Variants in ARIH1 observed in about 807,000 individuals in gnomAD.
ARIH1 encodes ariadne RBR E3 ubiquitin protein ligase 1.
ARIH1 carries 8 observed loss-of-function variants against 85.0 expected under a neutral mutation model. That is an observed-to-expected ratio of 0.09 (90% CI 0.06 to 0.17). The LOEUF (loss-of-function observed/expected upper bound fraction) is 0.17, where lower values mean the gene tolerates loss of function less well. ARIH1 is among the 10% of genes least tolerant of loss of function. The pLI is 1.00. For synonymous variants in ARIH1, 238 were observed against 253.6 expected, an observed-to-expected ratio of 0.94 and a Z score of 0.59; for missense variants, 311 against 718.1, an observed-to-expected ratio of 0.43 and a Z score of 6.48.
chr15:72,523,014 G>A (rs938843053), intron 2 of ARIH1, among the ~76,000 whole-genome samples: 8 of 152,104 alleles, frequency 5.3e-5, no homozygotes, highest in African/African-American at 1.2e-4. Context: ...GATGTGGAGC[G>A]GTAGGAACTC....
chr15:72,573,283 G>A (rs911773803), intron 11 of ARIH1, among the ~76,000 whole-genome samples: 5 of 152,132 alleles, frequency 3.3e-5, no homozygotes, highest in East Asian at 1.9e-4. Flanking sequence ...AAATACGGCC[G>A]GGCTTGGTGG....
At chr15:72,490,380 A>G (rs2063854364) in intron 1 of ARIH1, among the ~76,000 whole-genome samples, 1 of 152,140 alleles carries the variant, frequency 6.6e-6, no homozygotes, top group South Asian at 2.1e-4. Flanking sequence ...AGGGAGCGTT[A>G]CCACCTGAGC....
chr15:72,565,906 C>T (rs2064218001), intron 7 of ARIH1, among the ~76,000 whole-genome samples: 1 of 152,158 alleles, frequency 6.6e-6, no homozygotes, highest in Non-Finnish European at 1.5e-5. Flanking sequence ...TCGTAAATTA[C>T]TTAATTAGCT....
chr15:72,493,421 A>G (rs1022751618), intron 1 of ARIH1, among the ~76,000 whole-genome samples: 2 of 152,156 alleles, frequency 1.3e-5, no homozygotes, highest in Non-Finnish European at 2.9e-5. Context: ...GTAGAACACT[A>G]CAGCAGCACA....
intron 6 of ARIH1, 148 bp from the exon 7 acceptor site, chr15:72,563,246 A>G: frequency 1.6e-6 from 1 of 609,016 alleles, no homozygotes; most frequent in Non-Finnish European, 2.9e-6. Flanking sequence ...TAAGGTAGAG[A>G]CAAGGTCTTG....
chr15:72,480,567 TTTG>T (rs369327296), intron 1 of ARIH1, among the ~76,000 whole-genome samples: 12 of 151,524 alleles, frequency 7.9e-5, no homozygotes, highest in East Asian at 3.9e-4. Context: ...AGCCACACTT[TTTG>T]TTGTTGTTGT....
chr15:72,550,941 G>A (rs938765992), intron 3 of ARIH1, among the ~76,000 whole-genome samples: 3 of 152,054 alleles, frequency 2.0e-5, no homozygotes, highest in Non-Finnish European at 1.5e-5. Flanking sequence ...CAAAGTGCTC[G>A]GATTACAGGC....
chr15:72,475,120 C>T lies in ARIH1; in HGVS notation c.375+106C>T, dbSNP rs552784695. 4.8e-6 allele frequency: 7 copies of T among 1,460,442 alleles called. No homozygotes were observed. The East Asian group carries it at 1.2e-4, about 24-fold the overall frequency. 90.5% of individuals were successfully genotyped at this position (1,460,442 alleles called of 1,614,324 possible). Reference sequence around the variant, plus strand: ...GCCTGGGCCTGGTGCGCAGCCTAGCCCGGTGCCTCCCGGCCTTGTCTTCTC... The same window carrying T: ...GCCTGGGCCTGGTGCGCAGCCTAGCTCGGTGCCTCCCGGCCTTGTCTTCTC... On this transcript the variant is annotated intron_variant, in intron 1 of 13. Coordinates refer to ENST00000379887, the MANE Select transcript of ARIH1 (RefSeq NM_005744.5).
Position 72,555,094 on chromosome 15 carries a change from G to A in ARIH1, c.589-177G>A, listed in dbSNP as rs571601815. ...CCTTTCCTAAGATGTATGTGTGTTC[G>A]GTGTATCTGCATGTCTAGATTCACC... On this transcript the variant is annotated intron_variant, in intron 3 of 13. Transcript: ENST00000379887. Among the ~76,000 whole-genome samples the A allele has an allele frequency of 3.3e-5, 5 of 152,116 alleles. No homozygotes were observed. The East Asian group carries it at 5.8e-4, about 18-fold the overall frequency.
rs1440188285 is a variant in ARIH1 at position 72,596,994 on chromosome 15, A to C, written c.*13702A>C. 1 of 151,940 alleles carries C rather than the reference A, an allele frequency of 6.6e-6. No homozygotes were observed. Among genetic ancestry groups the C allele is most frequent in the African/African-American group, 2.4e-5 (1 of 41,364 alleles). 9.4% of individuals were successfully genotyped at this position (151,940 alleles called of 1,614,324 possible). ...TTTTAAGGATCCAAACTGATAATTC[A>C]ACATCTGGGTCTTTTCTAGTTCTGC... On this transcript the variant is annotated 3_prime_UTR_variant, in exon 14 of 14. Coordinates refer to ENST00000379887, the MANE Select transcript of ARIH1 (RefSeq NM_005744.5).
intron 1 of ARIH1, chr15:72,475,218 TG>T (rs1305230027): frequency 3.0e-5 from 35 of 1,174,764 alleles, no homozygotes; most frequent in Non-Finnish European, 2.2e-6. Flanking sequence ...GGAGGTGCGC[TG>T]GGGGCGGTGC....
At chr15:72,560,182 A>G (rs2064191881) in intron 5 of ARIH1, among the ~76,000 whole-genome samples, 1 of 152,160 alleles carries the variant, frequency 6.6e-6, no homozygotes, top group Admixed American at 6.5e-5. Flanking sequence ...GGATCCTTTC[A>G]TGGGGTTGGG....
chr15:72,479,358 A>G (rs1013547615), intron 1 of ARIH1, among the ~76,000 whole-genome samples: 1 of 152,084 alleles, frequency 6.6e-6, no homozygotes, highest in African/African-American at 2.4e-5. Context: ...GAGGAGGTAT[A>G]AAAAACAGTG....
chr15:72,528,876 C>T (rs191732505), intron 2 of ARIH1, among the ~76,000 whole-genome samples: 46 of 152,120 alleles, frequency 3.0e-4, no homozygotes, highest in African/African-American at 1.1e-3. Flanking sequence ...AAACAATTCA[C>T]GTATTATTGA....
At chr15:72,475,449 G>A (rs920464474) in intron 1 of ARIH1, among the ~76,000 whole-genome samples, 1 of 152,234 alleles carries the variant, frequency 6.6e-6, no homozygotes, top group African/African-American at 2.4e-5. Flanking sequence ...GAAGGGATTA[G>A]AGTAGGCCTA....
In ARIH1 at chr15:72,601,098, G is replaced by A. The variant is rs1343951735; in HGVS notation, c.*17806G>A. On this transcript the variant is annotated 3_prime_UTR_variant, in exon 14 of 14. Transcript: ENST00000379887. ...CCCTCATTCCCCCATATCCAATCAT[G>A]TGTATTGGAGGTTTTTCCACCTCTA... 6.6e-6 allele frequency: 1 copy of A among 152,058 alleles called. No individual in the cohort carries two copies. Among genetic ancestry groups the A allele is most frequent in the Non-Finnish European group, 1.5e-5 (1 of 68,022 alleles). The allele number at this position is 152,058 out of a possible 1,614,324, so 9.4% of individuals were successfully genotyped here. A position where few individuals can be genotyped will look rare whatever the true frequency, so the allele number is the denominator to read the frequency against.
intron 11 of ARIH1, among the ~76,000 whole-genome samples, chr15:72,573,315 C>G (rs1052665529): frequency 6.6e-6 from 1 of 152,154 alleles, no homozygotes; most frequent in Non-Finnish European, 1.5e-5. Context: ...AATCCCTGCA[C>G]TTTGGGAGGC....
intron 3 of ARIH1, 56 bp from the exon 4 acceptor site, chr15:72,555,215 T>A: frequency 7.5e-7 from 1 of 1,326,766 alleles, no homozygotes; most frequent in South Asian, 1.2e-5. Flanking sequence ...AGTCACTGTT[T>A]ATAGTGAGTT....
intron 7 of ARIH1, chr15:72,566,272 C>G (rs2064220439): frequency 8.3e-6 from 3 of 360,172 alleles, no homozygotes; most frequent in African/African-American, 2.1e-5. Flanking sequence ...GTTGAAACTT[C>G]TCAATATAGT....
Sources: gnomAD v4.1 joint callset for allele counts (sites outside exome capture counted in the v4.1 genomes callset) on GRCh38, gnomAD v4.1.1 for gene constraint, MANE v1.5 for transcripts, NCBI Gene and HGNC (gene_info 2026-07-23, HGNC 2026-07-21) for gene names.